Variants in EIF1AD observed in about 807,000 individuals in gnomAD.
EIF1AD encodes the protein probable RNA-binding protein EIF1AD.
Under a neutral mutation model 21.7 loss-of-function variants are expected in EIF1AD, and 9 were observed. The observed-to-expected ratio is 0.41, with a 90% CI of 0.25 to 0.72. The LOEUF (loss-of-function observed/expected upper bound fraction) is 0.72. Among genes scored for constraint, EIF1AD ranks in the 30% least tolerant of loss-of-function variants. The probability of loss-of-function intolerance (pLI) is 0.29; values close to 1 mark genes in which losing one functional copy is unlikely to be tolerated. For missense variants in EIF1AD, 164 were observed against 199.7 expected (o/e 0.82, Z 1.08); for synonymous variants, 78 against 70.9 (o/e 1.10, Z -0.50).
In EIF1AD at chr11:66,000,323, C is replaced by T. The variant is rs17849919; in HGVS notation, c.67G>A (p.Asp23Asn). The T allele has an allele frequency of 1.3e-4, 212 of 1,613,352 alleles. No individual in the cohort carries two copies. The highest frequency in any genetic ancestry group is 8.3e-5 in the Admixed American group (5 of 59,934). The change falls in exon 2 of 6, where the codon GAC becomes AAC. Residue 23 changes from aspartate to asparagine, a missense_variant. Physicochemically the swap from Asp to Asn is conservative, Grantham distance 23. Transcript: ENST00000533544. ...EVLGEHIVPSDQQQIVRVLRT... is the reference protein window; with the variant it reads ...EVLGEHIVPSNQQQIVRVLRT... ...CTCACCCTGACAATCTGCTGCTGGT[C>T]GGAGGGCACTATGTGCTCCCCTAGC...
chr11:65,999,574 C>G lies in EIF1AD; in HGVS notation c.298G>C (p.Gly100Arg), dbSNP rs960732747. The change falls in exon 4 of 6, where the codon GGG (glycine) becomes CGG (arginine). Residue 100 changes from glycine to arginine, a missense_variant. By Grantham distance (125) the Gly-to-Arg change is moderately radical (BLOSUM62 -2). Transcript: ENST00000533544. ...KDHVRSLQKE[G>R]FWPEAFSEVA... is the part of the protein sequence containing the mutation. ...ATCAAGGGGACCACCTACCAAAACCCCTCCTTCTGCAGAGAGCGCACGTGG... is the reference window on the plus strand; with the variant it reads ...ATCAAGGGGACCACCTACCAAAACCGCTCCTTCTGCAGAGAGCGCACGTGG... The G allele has an allele frequency of 6.2e-7, 1 of 1,613,088 alleles. No homozygotes were observed. The highest frequency in any genetic ancestry group is 1.3e-5 in the African/African-American group (1 of 74,936).
At chr11:66,001,796 G>A (rs1405548082) in intron 1 of EIF1AD, 114 bp downstream of exon 1, 4 of 152,214 alleles carry the variant, frequency 2.6e-5, no homozygotes, top group Non-Finnish European at 4.4e-5. Flanking sequence ...AGAAGACGAA[G>A]GCCAGTACCC....
Position 65,998,803 on chromosome 11 carries a change from A to G in EIF1AD, c.354-60T>C, listed in dbSNP as rs1361252848. On this transcript the variant is annotated intron_variant, in intron 5 of 5. Coordinates refer to ENST00000533544, the MANE Select transcript of EIF1AD (RefSeq NM_001242481.2). ...GCCTTCTGGGAAAATAATATCTACA[A>G]TCAAGGAGTTCCAAAAAAAGGACCA... The G allele has an allele frequency of 3.2e-6, 5 of 1,579,798 alleles. No individual in the cohort carries two copies. In the Admixed American group the frequency reaches 7.1e-5, roughly 22 times the overall value.
At chr11:66,001,471 C>CAAAAAA (rs397944986) in intron 1 of EIF1AD, among the ~76,000 whole-genome samples, 3 of 79,452 alleles carry the variant, frequency 3.8e-5, no homozygotes, top group Non-Finnish European at 4.6e-5. Flanking sequence ...GACTCCGTCT[C>CAAAAAA]AAAAAAAAAA....
At position 66,000,317 on chromosome 11, in the gene EIF1AD, G is replaced by C. The variant is rs758458281; in HGVS notation, c.73C>G (p.Gln25Glu). The C allele has an allele frequency of 6.2e-7, 1 of 1,613,494 alleles. No individual in the cohort carries two copies. Among genetic ancestry groups the C allele is most frequent in the East Asian group, 2.2e-5 (1 of 44,862 alleles). Residue 25 changes from glutamine (Q) to glutamate (E), a missense_variant, in exon 2 of 6, where the codon CAG becomes GAG. Gln to Glu is a conservative substitution (Grantham distance 29, BLOSUM62 2). Coordinates refer to ENST00000533544, the MANE Select transcript of EIF1AD (RefSeq NM_001242481.2). The part of the protein sequence containing the change: ...LGEHIVPSDQ[Q>E]QIVRVLRTPG... The stretch of plus-strand genomic sequence containing the variant: ...ACGCCACTCACCCTGACAATCTGCT[G>C]CTGGTCGGAGGGCACTATGTGCTCC...
rs1234963419 is a variant in EIF1AD at position 65,998,674 on chromosome 11, A to C, written c.423T>G (p.Ser141=). 1 of 1,614,222 alleles carries C rather than the reference A, an allele frequency of 6.2e-7. No homozygotes were observed. Among genetic ancestry groups the C allele is most frequent in the East Asian group, 2.2e-5 (1 of 44,894 alleles). ...SGEESSSEDD[S]DLFVNTNRRQ... is the part of the protein sequence containing the mutation. The stretch of plus-strand genomic sequence containing the variant: ...TGCGGTTTGTGTTAACAAACAGGTC[A>C]GAATCATCTTCTGAGCTGGACTCCT... Residue 141 remains serine, a synonymous_variant, in exon 6 of 6, where the codon TCT becomes TCG. Coordinates refer to ENST00000533544, the MANE Select transcript of EIF1AD (RefSeq NM_001242481.2).
Position 65,996,546 on chromosome 11 carries a change from A to G in EIF1AD, c.*2053T>C, listed in dbSNP as rs1024899498. On this transcript the variant is annotated 3_prime_UTR_variant, in exon 6 of 6. Coordinates refer to ENST00000533544, the MANE Select transcript of EIF1AD (RefSeq NM_001242481.2). ...TAAAGATAGATACACACACATACAT[A>G]TCTTTAACCCATCTCGTTTATTTTT... The G allele has an allele frequency of 2.0e-5, 3 of 152,118 alleles. No homozygotes were observed. Among genetic ancestry groups the G allele is most frequent in the African/African-American group, 7.2e-5 (3 of 41,412 alleles). The allele number at this position is 152,118 out of a possible 1,614,324, so 9.4% of individuals were successfully genotyped here. A position where few individuals can be genotyped will look rare whatever the true frequency, so the allele number is the denominator to read the frequency against.
At chr11:65,999,230 C>A in intron 5 of EIF1AD, 120 bp downstream of exon 5, 1 of 1,337,604 alleles carries the variant, frequency 7.5e-7, no homozygotes, top group Admixed American at 1.9e-5. Flanking sequence ...ATACCACATG[C>A]TTAGGAGCTC....
chr11:66,001,014 A>T (rs1855932417), intron 1 of EIF1AD, among the ~76,000 whole-genome samples: 1 of 152,154 alleles, frequency 6.6e-6, no homozygotes, highest in Non-Finnish European at 1.5e-5. Flanking sequence ...AGCCCTTAAA[A>T]GGGCTAGGAA....
At position 65,998,491 on chromosome 11, in the gene EIF1AD, C is replaced by T; in HGVS notation, c.*108G>A. 1 of 1,408,308 alleles carries T rather than the reference C, an allele frequency of 7.1e-7. No homozygotes were observed. 87.2% of individuals were successfully genotyped at this position (1,408,308 alleles called of 1,614,324 possible). A position where few individuals can be genotyped will look rare whatever the true frequency, so the allele number is the denominator to read the frequency against. On this transcript the variant is annotated 3_prime_UTR_variant, in exon 6 of 6. Coordinates refer to ENST00000533544, the MANE Select transcript of EIF1AD (RefSeq NM_001242481.2). The stretch of plus-strand genomic sequence containing the variant: ...AAGATCAGTTCAGAGAGGAGCCCTG[C>T]TTTGTCCTCATGCAGGGGTGAAGAT...
At chr11:66,000,702 T>A (rs955688669) in intron 1 of EIF1AD, 197 bp from the exon 2 acceptor site, 2 of 256,920 alleles carry the variant, frequency 7.8e-6, no homozygotes, top group Non-Finnish European at 1.5e-5. Context: ...CTCTCCAACC[T>A]CCCCTTTTCC....
Position 65,997,137 on chromosome 11 carries a change from G to T in EIF1AD, c.*1462C>A, listed in dbSNP as rs192938086. 14 of 151,884 alleles carry T rather than the reference G, an allele frequency of 9.2e-5. No individual in the cohort carries two copies. The highest frequency in any genetic ancestry group is 3.1e-4 in the African/African-American group (13 of 41,414). 9.4% of individuals were successfully genotyped at this position (151,884 alleles called of 1,614,324 possible). On this transcript the variant is annotated 3_prime_UTR_variant, in exon 6 of 6. Transcript: ENST00000533544. Reference sequence around the variant, plus strand: ...GGTCAGGAGTTCGAGACCAGCCCGGGCAACATGGCAAAACCCCGTCTCTAC... The same window carrying T: ...GGTCAGGAGTTCGAGACCAGCCCGGTCAACATGGCAAAACCCCGTCTCTAC...
rs1318754527 is a variant in EIF1AD, at chr11:65,998,160, C to G, written c.*439G>C. 1 of 158,152 alleles carries G rather than the reference C, an allele frequency of 6.3e-6. No individual in the cohort carries two copies. Among genetic ancestry groups the G allele is most frequent in the Non-Finnish European group, 1.4e-5 (1 of 71,432 alleles). 9.8% of individuals were successfully genotyped at this position (158,152 alleles called of 1,614,324 possible). A position where few individuals can be genotyped will look rare whatever the true frequency, so the allele number is the denominator to read the frequency against. On this transcript the variant is annotated 3_prime_UTR_variant, in exon 6 of 6. Coordinates refer to ENST00000533544, the MANE Select transcript of EIF1AD (RefSeq NM_001242481.2). ...GGTGTTAGGTCCTAGGGCTGTCATC[C>G]TGAATGCTTAAATTGGTATGAACTG...
At chr11:66,001,117 G>C (rs1320533784) in intron 1 of EIF1AD, among the ~76,000 whole-genome samples, 2 of 152,166 alleles carry the variant, frequency 1.3e-5, no homozygotes, top group Admixed American at 1.3e-4. Flanking sequence ...TCTGGTGTCT[G>C]AGGAGTTCTG....
Position 65,999,031 on chromosome 11 carries a change from A to G in EIF1AD, c.354-288T>C, listed in dbSNP as rs111702851. Among the ~76,000 whole-genome samples the G allele has an allele frequency of 5.3e-4, 80 of 152,346 alleles. 2 individuals are homozygous for G. Among genetic ancestry groups the G allele is most frequent in the African/African-American group, 1.8e-3 (73 of 41,588 alleles). On this transcript the variant is annotated intron_variant, in intron 5 of 5. Transcript: ENST00000533544. ...ACACTTAATGGACCCATATCACATA[A>G]CAGATACTGCACTAAGCAATTTTAC...
At chr11:66,000,031 A>G (rs1428512765) in intron 3 of EIF1AD, 22 bp downstream of exon 3, 1 of 1,578,696 alleles carries the variant, frequency 6.3e-7, no homozygotes, top group African/African-American at 1.3e-5. Flanking sequence ...AAGTGCCAGG[A>G]TTACAGGAGT....
chr11:65,996,823 A>G lies in EIF1AD; in HGVS notation c.*1776T>C, dbSNP rs982985920. On this transcript the variant is annotated 3_prime_UTR_variant, in exon 6 of 6. Coordinates refer to ENST00000533544, the MANE Select transcript of EIF1AD (RefSeq NM_001242481.2). Reference sequence around the variant, plus strand: ...AATAGACAGGACAGCCAAAAACACAAAACAAAAAAAGAATCAAATACCCAC... The same window carrying G: ...AATAGACAGGACAGCCAAAAACACAGAACAAAAAAAGAATCAAATACCCAC... The G allele has an allele frequency of 1.3e-5, 2 of 152,160 alleles. No homozygotes were observed. Among genetic ancestry groups the G allele is most frequent in the African/African-American group, 4.8e-5 (2 of 41,412 alleles). The allele number at this position is 152,160 out of a possible 1,614,324, so 9.4% of individuals were successfully genotyped here.
rs1444035765 is a variant in EIF1AD at position 66,000,467 on chromosome 11, G to C, written c.-78C>G. 3 of 1,444,860 alleles carry C rather than the reference G, an allele frequency of 2.1e-6. No individual in the cohort carries two copies. Among genetic ancestry groups the C allele is most frequent in the South Asian group, 1.2e-5 (1 of 81,814 alleles). The allele number at this position is 1,444,860 out of a possible 1,614,324, so 89.5% of individuals were successfully genotyped here. A position where few individuals can be genotyped will look rare whatever the true frequency, so the allele number is the denominator to read the frequency against. On this transcript the variant is annotated 5_prime_UTR_variant, in exon 2 of 6. Transcript: ENST00000533544. ...CTGAGTTCCTTGGATGGCAGGCTCA[G>C]AACCCAGGACTGTTCTGAAGATGGG...
At chr11:66,001,685 C>T (rs12360624) in intron 1 of EIF1AD, among the ~76,000 whole-genome samples, 150,399 of 152,184 alleles carry the variant, frequency 0.99, 74,343 homozygotes, top group Middle Eastern at 1. Flanking sequence ...CGGAGACAAA[C>T]TAGGTGGCCA....
Sources: gnomAD v4.1 joint callset for allele counts (sites outside exome capture counted in the v4.1 genomes callset) on GRCh38, gnomAD v4.1.1 for gene constraint, MANE v1.5 for transcripts, NCBI Gene and HGNC (gene_info 2026-07-23, HGNC 2026-07-21) for gene names.